BCL2L13: variants seen among roughly 807,000 people sequenced by gnomAD.
BCL2L13 encodes the protein BCL2 like 13.
Under a neutral mutation model 25.8 loss-of-function variants are expected in BCL2L13, and 13 were observed. That is an observed-to-expected ratio of 0.50 (90% CI 0.33 to 0.80). BCL2L13 has a LOEUF of 0.80. Among genes scored for constraint, BCL2L13 ranks in the 30% least tolerant of loss-of-function variants. The probability of loss-of-function intolerance (pLI) is 0.02; values close to 1 mark genes in which losing one functional copy is unlikely to be tolerated. For synonymous variants in BCL2L13, 244 were observed against 230.3 expected, an observed-to-expected ratio of 1.06 and a Z score of -0.54; for missense variants, 504 against 574.9, an observed-to-expected ratio of 0.88 and a Z score of 1.26.
At chr22:17,693,366 G>GTT in intron 4 of BCL2L13, among the ~76,000 whole-genome samples, 1 of 58,642 alleles carries the variant, frequency 1.7e-5, no homozygotes, top group African/African-American at 7.4e-5. Flanking sequence ...TATTTATTTA[G>GTT]TGTTTGTTTT....
At chr22:17,646,396 A>G (rs2058472825) in intron 1 of BCL2L13, among the ~76,000 whole-genome samples, 1 of 150,920 alleles carries the variant, frequency 6.6e-6, no homozygotes, top group Admixed American at 6.6e-5. Context: ...ACAGGTGTGC[A>G]TGCCACCACG....
intron 5 of BCL2L13, among the ~76,000 whole-genome samples, chr22:17,696,886 TA>T (rs772267599): frequency 9.2e-5 from 14 of 152,068 alleles, no homozygotes; most frequent in Non-Finnish European, 1.5e-4. Context: ...AGGCAGGGTA[TA>T]GGGGGATGCA....
upstream of BCL2L13, among the ~76,000 whole-genome samples, chr22:17,637,802 T>G (rs1315451213): frequency 6.6e-6 from 1 of 152,186 alleles, no homozygotes; most frequent in Non-Finnish European, 1.5e-5. Context: ...AGCCCCACAA[T>G]AGCAGTTCAA....
At position 17,641,786 on chromosome 22, in the gene BCL2L13, C is replaced by T. The variant is rs1173317199; in HGVS notation, c.-51+2900C>T. On this transcript the variant is annotated intron_variant, in intron 1 of 6. Transcript: ENST00000317582. Reference sequence around the variant, plus strand: ...TCTGGAGATTTCACAAAAATGGGATCACATAATATGTGTTTTTTTTTTTTT... The same window carrying T: ...TCTGGAGATTTCACAAAAATGGGATTACATAATATGTGTTTTTTTTTTTTT... 2.0e-5 allele frequency among the ~76,000 whole-genome samples: 3 copies of T among 149,998 alleles called. No homozygotes were observed. In the Admixed American group the frequency reaches 2.0e-4, roughly 10 times the overall value.
chr22:17,630,282 C>T (rs1280429785), intron 1 of BCL2L13, among the ~76,000 whole-genome samples: 2 of 151,386 alleles, frequency 1.3e-5, no homozygotes, highest in Non-Finnish European at 2.9e-5. Flanking sequence ...ACTTTATAAC[C>T]CTTTCTTTTT....
chr22:17,709,420 C>A (rs2060682595), intron 6 of BCL2L13, among the ~76,000 whole-genome samples: 1 of 151,440 alleles, frequency 6.6e-6, no homozygotes, highest in Non-Finnish European at 1.5e-5. Flanking sequence ...CGTGGTGAAA[C>A]CCCATCTCTA....
At chr22:17,718,746 C>T (rs2061016256) in intron 6 of BCL2L13, among the ~76,000 whole-genome samples, 1 of 152,176 alleles carries the variant, frequency 6.6e-6, no homozygotes, top group Non-Finnish European at 1.5e-5. Flanking sequence ...CTACTAGTTC[C>T]TCTCATAGAC....
At chr22:17,656,718 C>T (rs760343754) in intron 2 of BCL2L13, among the ~76,000 whole-genome samples, 11 of 152,062 alleles carry the variant, frequency 7.2e-5, no homozygotes, top group Non-Finnish European at 1.5e-4. Flanking sequence ...TTTTTCGATA[C>T]TTCACAAATA....
At chr22:17,640,884 A>T (rs560122375) in intron 1 of BCL2L13, among the ~76,000 whole-genome samples, 3 of 53,932 alleles carry the variant, frequency 5.6e-5, no homozygotes, top group South Asian at 4.7e-4. Context: ...TTAATTTTTT[A>T]TATATATATA....
intron 2 of BCL2L13, among the ~76,000 whole-genome samples, chr22:17,677,613 C>T (rs1048937463): frequency 1.2e-4 from 19 of 152,104 alleles, no homozygotes; most frequent in Admixed American, 1.1e-3. Flanking sequence ...GTGGCTCACA[C>T]CTGTAATCCC....
At chr22:17,723,946 A>C (rs1184400993) in intron 6 of BCL2L13, among the ~76,000 whole-genome samples, 1 of 151,972 alleles carries the variant, frequency 6.6e-6, no homozygotes, top group Non-Finnish European at 1.5e-5. Flanking sequence ...AAAAAACAAA[A>C]AAAAACAAAA....
chr22:17,651,215 G>A (rs1174184463), intron 1 of BCL2L13, among the ~76,000 whole-genome samples: 3 of 151,628 alleles, frequency 2.0e-5, no homozygotes, highest in Admixed American at 6.6e-5. Flanking sequence ...GGCCAGGATG[G>A]TCTTGAACTC....
chr22:17,692,197 C>G (rs1001919958), intron 4 of BCL2L13, among the ~76,000 whole-genome samples: 1 of 152,304 alleles, frequency 6.6e-6, no homozygotes, highest in South Asian at 2.1e-4. Flanking sequence ...CTGCCCCGCT[C>G]TTTTCTTCTT....
chr22:17,699,138 G>A (rs756588628), intron 5 of BCL2L13, among the ~76,000 whole-genome samples: 1 of 152,128 alleles, frequency 6.6e-6, no homozygotes, highest in South Asian at 2.1e-4. Flanking sequence ...ATCACACTGG[G>A]TGACATATAA....
chr22:17,664,876 A>T (rs2059188485), intron 2 of BCL2L13, among the ~76,000 whole-genome samples: 1 of 152,208 alleles, frequency 6.6e-6, no homozygotes, highest in Non-Finnish European at 1.5e-5. Context: ...GGCTGCACAC[A>T]GCAGGAGGGG....
exon 1 of BCL2L13, chr22:17,628,980 G>A (rs1435386335): frequency 5.2e-6 from 2 of 381,806 alleles, no homozygotes; most frequent in Non-Finnish European, 5.0e-6. Flanking sequence ...GAAATTAGTC[G>A]GGCTGTTTTG....
chr22:17,663,608 T>A (rs866844461), intron 2 of BCL2L13, among the ~76,000 whole-genome samples: 17 of 152,200 alleles, frequency 1.1e-4, no homozygotes, highest in Middle Eastern at 3.4e-3. Flanking sequence ...CATTTCATAT[T>A]TACATGTTCT....
intron 5 of BCL2L13, among the ~76,000 whole-genome samples, chr22:17,699,959 G>A (rs563862082): frequency 6.6e-6 from 1 of 152,150 alleles, no homozygotes; most frequent in African/African-American, 2.4e-5. Context: ...ACAGGTCCCT[G>A]AAGATAGCAT....
intron 3 of BCL2L13, among the ~76,000 whole-genome samples, chr22:17,684,863 GC>G (rs1487949967): frequency 5.3e-5 from 8 of 151,942 alleles, no homozygotes; most frequent in African/African-American, 1.7e-4. Flanking sequence ...CTCCCGAGTA[GC>G]TGGGACTACA....
Sources: gnomAD v4.1 joint callset for allele counts (sites outside exome capture counted in the v4.1 genomes callset) on GRCh38, gnomAD v4.1.1 for gene constraint, MANE v1.5 for transcripts, NCBI Gene and HGNC (gene_info 2026-07-23, HGNC 2026-07-21) for gene names.